MAPKAP1: variants seen among roughly 807,000 people sequenced by gnomAD.
The protein encoded by MAPKAP1 is MAPK associated protein 1.
A neutral mutation model predicts 65.7 loss-of-function variants in MAPKAP1; 20 were observed. The observed-to-expected ratio is 0.30, with a 90% CI of 0.21 to 0.44. The LOEUF is 0.44. MAPKAP1 is among the 20% of genes least tolerant of loss of function. MAPKAP1 has a pLI of 1.00. For missense variants in MAPKAP1, 423 were observed against 648.0 expected, an observed-to-expected ratio of 0.65 and a Z score of 3.77; for synonymous variants, 222 against 244.3, an observed-to-expected ratio of 0.91 and a Z score of 0.85.
At chr9:125,462,095 A>G (rs1213927551) in intron 10 of MAPKAP1, among the ~76,000 whole-genome samples, 1 of 151,676 alleles carries the variant, frequency 6.6e-6, no homozygotes, top group African/African-American at 2.4e-5. Flanking sequence ...CACATGAGAA[A>G]GAGAGAGAGC....
chr9:125,510,768 T>C (rs1358409720), intron 7 of MAPKAP1, among the ~76,000 whole-genome samples: 1 of 152,224 alleles, frequency 6.6e-6, no homozygotes, highest in Non-Finnish European at 1.5e-5. Flanking sequence ...TTTTTATAAA[T>C]CTGCATTTCT....
chr9:125,540,068 G>T (rs1442553204), intron 7 of MAPKAP1, among the ~76,000 whole-genome samples: 4 of 152,136 alleles, frequency 2.6e-5, no homozygotes, highest in African/African-American at 9.7e-5. Flanking sequence ...AAAATTTTAG[G>T]TCAGTTACAA....
intron 6 of MAPKAP1, among the ~76,000 whole-genome samples, chr9:125,557,138 T>G (rs1830759308): frequency 6.6e-6 from 1 of 152,204 alleles, no homozygotes; most frequent in African/African-American, 2.4e-5. Context: ...ACTCTCTGCC[T>G]TCCCCCTCCT....
chr9:125,501,955 C>T (rs1328535691), intron 8 of MAPKAP1, among the ~76,000 whole-genome samples: 2 of 152,196 alleles, frequency 1.3e-5, no homozygotes, highest in South Asian at 2.1e-4. Flanking sequence ...TTTCAAAGAA[C>T]CAACTCTTGA....
intron 4 of MAPKAP1, among the ~76,000 whole-genome samples, chr9:125,633,685 C>T (rs1260815878): frequency 6.6e-6 from 1 of 152,118 alleles, no homozygotes; most frequent in African/African-American, 2.4e-5. Context: ...ACCTGTATTT[C>T]ATCTAATTCA....
At chr9:125,454,722 CCACT>C (rs1853104492) in intron 10 of MAPKAP1, among the ~76,000 whole-genome samples, 1 of 152,054 alleles carries the variant, frequency 6.6e-6, no homozygotes, top group Admixed American at 6.5e-5. Flanking sequence ...CTTTCACTTC[CCACT>C]GTCTTTATTA....
At chr9:125,592,423 T>C (rs1276915651) in intron 4 of MAPKAP1, among the ~76,000 whole-genome samples, 1 of 152,248 alleles carries the variant, frequency 6.6e-6, no homozygotes, top group East Asian at 1.9e-4. Flanking sequence ...TATAGTTTTC[T>C]GTATTTTCTA....
intron 4 of MAPKAP1, among the ~76,000 whole-genome samples, chr9:125,655,581 CAAAGAT>C (rs1023090206): frequency 1.3e-5 from 2 of 152,100 alleles, no homozygotes; most frequent in African/African-American, 4.8e-5. Context: ...ACGCATTTCA[CAAAGAT>C]AAAGAAAGAC....
chr9:125,440,718 C>A (rs1053516529), intron 11 of MAPKAP1, among the ~76,000 whole-genome samples: 1 of 152,234 alleles, frequency 6.6e-6, no homozygotes, highest in Admixed American at 6.5e-5. Context: ...AGGCCTGACA[C>A]GCTCTGCCCG....
chr9:125,570,458 G>T (rs1035839883), intron 5 of MAPKAP1, among the ~76,000 whole-genome samples: 2 of 152,248 alleles, frequency 1.3e-5, no homozygotes, highest in African/African-American at 4.8e-5. Flanking sequence ...CAGCTATGCT[G>T]GAGAGTCAGA....
chr9:125,484,564 A>G lies in MAPKAP1; in HGVS notation c.1086T>C (p.Val362=). The part of the protein sequence containing the change: ...VRENSSRADG[V]FEEDSQIDIA... ...TGTCAATTTGCGAATCCTCCTCAAA[A>G]ACCCCGTCTGCCCTTGAACCTGGGG... Residue 362 remains valine, a synonymous_variant, in exon 9 of 12, where the codon GTT becomes GTC. Coordinates refer to ENST00000265960, the MANE Select transcript of MAPKAP1 (RefSeq NM_001006617.3). 1 of 1,610,790 alleles carries G rather than the reference A, an allele frequency of 6.2e-7. No individual in the cohort carries two copies. The highest frequency in any genetic ancestry group is 1.1e-5 in the South Asian group (1 of 90,082).
chr9:125,493,272 T>G (rs1339667779), intron 8 of MAPKAP1, among the ~76,000 whole-genome samples: 1 of 152,234 alleles, frequency 6.6e-6, no homozygotes, highest in Non-Finnish European at 1.5e-5. Context: ...TAAACTGGAC[T>G]CTGCTCAGGT....
chr9:125,556,041 C>A (rs1830725393), intron 6 of MAPKAP1, among the ~76,000 whole-genome samples: 1 of 152,204 alleles, frequency 6.6e-6, no homozygotes, highest in Non-Finnish European at 1.5e-5. Context: ...TCAGTTCTTG[C>A]TCTCCAAGGG....
Position 125,685,478 on chromosome 9 carries a change from C to G in MAPKAP1, c.-69-12835G>C, listed in dbSNP as rs542573256. 2.0e-5 allele frequency among the ~76,000 whole-genome samples: 3 copies of G among 152,282 alleles called. No homozygotes were observed. In the South Asian group the frequency reaches 6.2e-4, roughly 32 times the overall value. On this transcript the variant is annotated intron_variant, in intron 1 of 11. Coordinates refer to ENST00000265960, the MANE Select transcript of MAPKAP1 (RefSeq NM_001006617.3). Reference sequence around the variant, plus strand: ...TAAGATCTGAAAGACTGGGGTGAGTCTGTAGGGCCTTACAGGCCATCCCAA... The same window carrying G: ...TAAGATCTGAAAGACTGGGGTGAGTGTGTAGGGCCTTACAGGCCATCCCAA...
At chr9:125,666,710 TGA>T (rs1288035840) in intron 3 of MAPKAP1, among the ~76,000 whole-genome samples, 3 of 152,334 alleles carry the variant, frequency 2.0e-5, no homozygotes, top group African/African-American at 7.2e-5. Context: ...CATTTCTTGC[TGA>T]GAGAGTACGT....
chr9:125,581,418 C>T (rs1831621365), intron 5 of MAPKAP1, among the ~76,000 whole-genome samples: 1 of 152,150 alleles, frequency 6.6e-6, no homozygotes, highest in Admixed American at 6.5e-5. Flanking sequence ...GTTTTAATTG[C>T]ATTTTCCTAA....
chr9:125,554,852 G>C (rs1830692497), intron 6 of MAPKAP1, among the ~76,000 whole-genome samples: 1 of 146,410 alleles, frequency 6.8e-6, no homozygotes, highest in South Asian at 2.2e-4. Flanking sequence ...AAATTTATGT[G>C]TTTGTGTGGG....
chr9:125,509,416 A>C (rs1383894141), intron 7 of MAPKAP1, among the ~76,000 whole-genome samples: 4 of 152,130 alleles, frequency 2.6e-5, no homozygotes, highest in Admixed American at 2.6e-4. Context: ...GTATTTTTCA[A>C]ATTTGCTATA....
At chr9:125,619,506 A>G (rs13284243) in intron 4 of MAPKAP1, among the ~76,000 whole-genome samples, 47,115 of 151,810 alleles carry the variant, frequency 0.31, 8,115 homozygotes, top group Middle Eastern at 0.4. Context: ...TTTATTCTGT[A>G]TATTATTGCA....
Sources: allele counts gnomAD v4.1 joint callset (sites outside exome capture counted in the v4.1 genomes callset), GRCh38; gene constraint gnomAD v4.1.1; transcripts MANE v1.5; gene names NCBI Gene and HGNC (gene_info 2026-07-23, HGNC 2026-07-21).